The following MAD1L1 variants were observed in gnomAD, a reference collection of about 807,000 sequenced individuals.
MAD1L1 encodes mitotic arrest deficient 1 like 1.
Under a neutral mutation model 96.9 loss-of-function variants are expected in MAD1L1, and 95 were observed. The observed-to-expected ratio is 0.98, with a 90% CI of 0.83 to 1.16. The LOEUF is 1.16. Among genes scored for constraint, MAD1L1 ranks in the 50% most tolerant of loss-of-function variants. The pLI, the probability that MAD1L1 is intolerant of heterozygous loss-of-function variation, is 0.00. For missense variants in MAD1L1, 1,007 were observed against 954.4 expected (o/e 1.06, Z -0.73); for synonymous variants, 473 against 396.6 (o/e 1.19, Z -2.29).
At chr7:2,062,464 A>G (rs1180621521) in intron 12 of MAD1L1, among the ~76,000 whole-genome samples, 1 of 146,916 alleles carries the variant, frequency 6.8e-6, no homozygotes, top group Admixed American at 6.8e-5. Context: ...AATCCCAGCT[A>G]CTCGAGAGGC....
intron 18 of MAD1L1, among the ~76,000 whole-genome samples, chr7:1,883,437 G>A (rs984527571): frequency 2.6e-5 from 4 of 152,202 alleles, no homozygotes; most frequent in African/African-American, 9.6e-5. Flanking sequence ...GGGGCCATGA[G>A]TCATGGGGAG....
chr7:2,158,411 C>T (rs1246694086), intron 10 of MAD1L1, among the ~76,000 whole-genome samples: 1 of 152,174 alleles, frequency 6.6e-6, no homozygotes, highest in African/African-American at 2.4e-5. Context: ...AATTAGCAAA[C>T]AAGACACCTC....
In MAD1L1 at chr7:1,852,556, C is replaced by T. The variant is rs564609247; in HGVS notation, c.1999-36328G>A. Among the ~76,000 whole-genome samples, 9 of 152,236 alleles carry T rather than the reference C, an allele frequency of 5.9e-5. No homozygotes were observed. The South Asian group carries it at 1.2e-3, about 21-fold the overall frequency. On this transcript the variant is annotated intron_variant, in intron 18 of 18. Transcript: ENST00000265854. ...CCCGACCGCCGCCATCTGAGAGGTC[C>T]GGGTGACGTTATGTGATTTAAAAGT... is the stretch of plus-strand genomic sequence containing the variant.
At chr7:2,112,498 C>T (rs1217251961) in intron 11 of MAD1L1, among the ~76,000 whole-genome samples, 1 of 152,238 alleles carries the variant, frequency 6.6e-6, no homozygotes, top group African/African-American at 2.4e-5. Flanking sequence ...ACTGCACCCT[C>T]GCAAGTCAAC....
At chr7:2,209,220 C>T (rs1792761877) in intron 10 of MAD1L1, among the ~76,000 whole-genome samples, 1 of 152,204 alleles carries the variant, frequency 6.6e-6, no homozygotes, top group South Asian at 2.1e-4. Flanking sequence ...CCAGCCTGCC[C>T]AGCCTCCTCT....
In MAD1L1 at chr7:2,088,508, C is replaced by G. The variant is rs1786044996; in HGVS notation, c.1074-19170G>C. On this transcript the variant is annotated intron_variant, in intron 11 of 18. Transcript: ENST00000265854. This position sits in a 1 kb window ranked among gnomAD's most constrained non-coding sequence, Gnocchi z 4.4. ...GGGAACACCGCCCCAGCCTCGAGTG[C>G]CACCATGACAGCTCTGGAGCTGCCA... Among the ~76,000 whole-genome samples, 1 of 152,194 alleles carries G rather than the reference C, an allele frequency of 6.6e-6. No individual in the cohort carries two copies. The highest frequency in any genetic ancestry group is 6.5e-5 in the Admixed American group (1 of 15,280).
At chr7:1,929,804 G>A (rs71523285) in intron 17 of MAD1L1, among the ~76,000 whole-genome samples, 2,962 of 27,774 alleles carry the variant, frequency 0.11, 40 homozygotes, top group Middle Eastern at 0.15. Context: ...CCCTCGCCCC[G>A]TCCCCACTGC....
intron 17 of MAD1L1, among the ~76,000 whole-genome samples, chr7:1,911,628 T>C (rs1788023066): frequency 6.6e-6 from 1 of 152,158 alleles, no homozygotes; most frequent in Non-Finnish European, 1.5e-5. Flanking sequence ...GACTCCGGCG[T>C]CACCTCCAGA....
At chr7:2,096,801 G>A (rs1184190079) in intron 11 of MAD1L1, among the ~76,000 whole-genome samples, 10 of 152,102 alleles carry the variant, frequency 6.6e-5, no homozygotes, top group Non-Finnish European at 7.4e-5. Flanking sequence ...CCACCACCCC[G>A]CCCAGCAGAG....
At chr7:2,222,550 C>T (rs759326670) in intron 5 of MAD1L1, 25 bp downstream of exon 5, 2 of 1,539,036 alleles carry the variant, frequency 1.3e-6, no homozygotes, top group South Asian at 1.2e-5. Flanking sequence ...AAAACAGCTC[C>T]CTGCGCAGCA....
At chr7:2,150,503 C>T (rs1036365032) in intron 10 of MAD1L1, among the ~76,000 whole-genome samples, 2 of 152,328 alleles carry the variant, frequency 1.3e-5, no homozygotes, top group African/African-American at 4.8e-5. Flanking sequence ...CCCCGGTCTT[C>T]CAGCACCCAG....
chr7:1,875,978 G>T (rs993289063), intron 18 of MAD1L1, among the ~76,000 whole-genome samples: 2 of 152,234 alleles, frequency 1.3e-5, no homozygotes, highest in South Asian at 2.1e-4. Flanking sequence ...AAGCCGGGAG[G>T]AGAGTCCTCC....
chr7:2,128,137 G>A (rs1420159374), intron 11 of MAD1L1, among the ~76,000 whole-genome samples: 1 of 152,190 alleles, frequency 6.6e-6, no homozygotes, highest in Non-Finnish European at 1.5e-5. Context: ...CGCCCTCCCA[G>A]ATTATTTCTA....
At chr7:1,871,745 C>CCTGCCACGCTGAACCCAACATAG (rs1562477320) in intron 18 of MAD1L1, among the ~76,000 whole-genome samples, 7 of 149,772 alleles carry the variant, frequency 4.7e-5, no homozygotes, top group Non-Finnish European at 8.9e-5. Flanking sequence ...ACCCAACATA[C>CCTGCCACGCTGAACCCAACATAG]GCCTGCCACG....
At chr7:1,955,160 C>T (rs1198047362) in intron 16 of MAD1L1, among the ~76,000 whole-genome samples, 3 of 152,258 alleles carry the variant, frequency 2.0e-5, no homozygotes, top group African/African-American at 4.8e-5. Flanking sequence ...AGTCAAGCCC[C>T]TCTCCAAGCA....
At chr7:1,860,787 G>A (rs1784507483) in intron 18 of MAD1L1, among the ~76,000 whole-genome samples, 1 of 152,130 alleles carries the variant, frequency 6.6e-6, no homozygotes, top group African/African-American at 2.4e-5. Context: ...CTCTCTCTCG[G>A]CCTCAGGAAG....
intron 16 of MAD1L1, among the ~76,000 whole-genome samples, chr7:1,942,377 C>A (rs1449037618): frequency 1.3e-5 from 2 of 152,238 alleles, no homozygotes; most frequent in Admixed American, 1.3e-4. Context: ...AACTTCCAGC[C>A]TGCTGCTGTG....
At chr7:2,033,706 C>A (rs774173257) in intron 12 of MAD1L1, among the ~76,000 whole-genome samples, 2 of 152,230 alleles carry the variant, frequency 1.3e-5, no homozygotes, top group Non-Finnish European at 2.9e-5. Context: ...GAGGGCTGCA[C>A]GCTACACCTG....
At chr7:2,108,036 G>A (rs773433305) in intron 11 of MAD1L1, among the ~76,000 whole-genome samples, 64 of 151,288 alleles carry the variant, frequency 4.2e-4, no homozygotes, top group African/African-American at 1.5e-3. Flanking sequence ...CCAGGTGCTC[G>A]GAAAACACCT....
Sources: allele counts gnomAD v4.1 joint callset (sites outside exome capture counted in the v4.1 genomes callset), GRCh38; gene constraint gnomAD v4.1.1; non-coding constraint Gnocchi (gnomAD v3.1); transcripts MANE v1.5; gene names NCBI Gene and HGNC (gene_info 2026-07-23, HGNC 2026-07-21).